NTM: variants seen among roughly 807,000 people sequenced by gnomAD.
The protein encoded by NTM is IgLON family member 2.
Under a neutral mutation model 42.1 loss-of-function variants are expected in NTM, and 13 were observed. The ratio of observed to expected loss-of-function variants is 0.31; its 90% confidence interval spans 0.20 to 0.49. The LOEUF (loss-of-function observed/expected upper bound fraction) is 0.49, where lower values mean the gene tolerates loss of function less well. NTM is among the 20% of genes least tolerant of loss of function. The probability of loss-of-function intolerance (pLI) is 0.99; values close to 1 mark genes in which losing one functional copy is unlikely to be tolerated. For synonymous variants in NTM, 187 were observed against 179.2 expected (o/e 1.04, Z -0.35); for missense variants, 373 against 452.8 (o/e 0.82, Z 1.60).
At position 131,789,955 on chromosome 11, in the gene NTM, C is replaced by CAAAAA. The variant is rs36050979; in HGVS notation, c.83-121587_83-121583dup. 2.5e-4 allele frequency among the ~76,000 whole-genome samples: 5 copies of CAAAAA among 20,312 alleles called. 2 individuals are homozygous for CAAAAA. Among genetic ancestry groups the CAAAAA allele is most frequent in the African/African-American group, 5.7e-4 (5 of 8,754 alleles). 13.3% of individuals were successfully genotyped at this position (20,312 alleles called of 152,430 possible). A position where few individuals can be genotyped will look rare whatever the true frequency, so the allele number is the denominator to read the frequency against. Reference sequence around the variant, plus strand: ...TGGGCGACAGAGCGAGACTCCGTCTCAAAAAAAAAAAAAAAAAAAAAAAAA... The same window carrying CAAAAA: ...TGGGCGACAGAGCGAGACTCCGTCTCAAAAAAAAAAAAAAAAAAAAAAAAAAAAAA... On this transcript the variant is annotated intron_variant, in intron 1 of 8. Transcript: ENST00000683400.
At chr11:132,248,459 A>T (rs1019629638) in intron 4 of NTM, among the ~76,000 whole-genome samples, 1 of 151,252 alleles carries the variant, frequency 6.6e-6, no homozygotes, top group Non-Finnish European at 1.5e-5. Context: ...ATGGCCTTTC[A>T]TCTGAGCACC....
intron 1 of NTM, among the ~76,000 whole-genome samples, chr11:131,409,623 G>T (rs561017103): frequency 6.6e-6 from 1 of 152,362 alleles, no homozygotes; most frequent in East Asian, 1.9e-4. Flanking sequence ...CTCTGAAGTG[G>T]TGCAGCGGCA....
chr11:131,372,616 A>G (rs1326221674), intron 1 of NTM, among the ~76,000 whole-genome samples: 3 of 152,018 alleles, frequency 2.0e-5, no homozygotes, highest in African/African-American at 7.2e-5. Flanking sequence ...GGTCAGAGGT[A>G]GGGAGAGGGA....
intron 1 of NTM, among the ~76,000 whole-genome samples, chr11:131,835,439 G>T (rs1253976563): frequency 1.3e-5 from 2 of 151,990 alleles, no homozygotes; most frequent in African/African-American, 4.8e-5. Flanking sequence ...AGAAATAGAA[G>T]AAAGATTTAA....
At chr11:132,126,047 C>G (rs1477809757) in intron 2 of NTM, among the ~76,000 whole-genome samples, 2 of 152,030 alleles carry the variant, frequency 1.3e-5, no homozygotes, top group Non-Finnish European at 2.9e-5. Flanking sequence ...CAGCTTGGGT[C>G]CCCAGGCGCC....
intron 1 of NTM, among the ~76,000 whole-genome samples, chr11:131,815,525 C>G (rs2092916769): frequency 6.6e-6 from 1 of 152,156 alleles, no homozygotes; most frequent in South Asian, 2.1e-4. Context: ...AAAGAATTTT[C>G]TTGAAGAATC....
At chr11:131,961,324 G>A (rs944472950) in intron 2 of NTM, among the ~76,000 whole-genome samples, 11 of 152,188 alleles carry the variant, frequency 7.2e-5, no homozygotes, top group African/African-American at 2.7e-4. Context: ...TAAGGTGTGT[G>A]GAGTGGGAGG....
At chr11:132,163,429 C>G (rs955264110) in intron 3 of NTM, among the ~76,000 whole-genome samples, 1 of 152,192 alleles carries the variant, frequency 6.6e-6, no homozygotes, top group Non-Finnish European at 1.5e-5. Flanking sequence ...TTATGTATAG[C>G]TTATTGAAAC....
intron 1 of NTM, among the ~76,000 whole-genome samples, chr11:131,543,904 G>T (rs1369879261): frequency 6.6e-6 from 1 of 152,210 alleles, no homozygotes; most frequent in Non-Finnish European, 1.5e-5. Flanking sequence ...AAACACCAAA[G>T]AGAGCTAATG....
intron 1 of NTM, among the ~76,000 whole-genome samples, chr11:131,671,873 T>C (rs748670952): frequency 3.3e-5 from 5 of 152,064 alleles, no homozygotes; most frequent in Non-Finnish European, 7.4e-5. Context: ...AAGTCAAGGT[T>C]TGGGGGCTCC....
chr11:131,578,802 G>C (rs1185718941), intron 1 of NTM, among the ~76,000 whole-genome samples: 1 of 152,122 alleles, frequency 6.6e-6, no homozygotes, highest in African/African-American at 2.4e-5. Flanking sequence ...TATTTTGACA[G>C]TTTTTCACTA....
chr11:132,047,479 T>C (rs569340056), intron 2 of NTM, among the ~76,000 whole-genome samples: 26 of 152,368 alleles, frequency 1.7e-4, no homozygotes, highest in Admixed American at 1.7e-3. Context: ...TGCTTCCAAT[T>C]CAAATGCCAG....
intron 1 of NTM, among the ~76,000 whole-genome samples, chr11:131,495,938 G>C (rs7102359): frequency 0.076 from 11,641 of 152,298 alleles, 504 homozygotes; most frequent in South Asian, 0.17. Context: ...TTATCAAAAG[G>C]ATGTTGAGGG....
At chr11:131,928,956 G>A (rs2058274387) in intron 2 of NTM, among the ~76,000 whole-genome samples, 1 of 152,094 alleles carries the variant, frequency 6.6e-6, no homozygotes, top group Non-Finnish European at 1.5e-5. Context: ...CAAACCTCTT[G>A]TTTTCTCATG....
At chr11:131,996,968 C>A (rs1438850164) in intron 2 of NTM, among the ~76,000 whole-genome samples, 1 of 152,200 alleles carries the variant, frequency 6.6e-6, no homozygotes, top group African/African-American at 2.4e-5. Flanking sequence ...TCCTACCTTT[C>A]TCTCCTTCCC....
chr11:131,973,027 C>T (rs2063781652), intron 2 of NTM, among the ~76,000 whole-genome samples: 1 of 152,188 alleles, frequency 6.6e-6, no homozygotes, highest in African/African-American at 2.4e-5. Flanking sequence ...TAACAGTTTA[C>T]TTAAGTAAAG....
At chr11:132,070,854 C>T (rs1468376150) in intron 2 of NTM, among the ~76,000 whole-genome samples, 1 of 138,404 alleles carries the variant, frequency 7.2e-6, no homozygotes, top group African/African-American at 2.7e-5. Context: ...TCACACTGAC[C>T]ATCACAGGTT....
At chr11:131,483,123 G>A (rs1489040340) in intron 1 of NTM, among the ~76,000 whole-genome samples, 1 of 152,174 alleles carries the variant, frequency 6.6e-6, no homozygotes, top group African/African-American at 2.4e-5. Context: ...TGGGGTTCTG[G>A]GATGACATGA....
intron 1 of NTM, among the ~76,000 whole-genome samples, chr11:131,489,467 C>G (rs953308475): frequency 6.6e-6 from 1 of 152,226 alleles, no homozygotes; most frequent in South Asian, 2.1e-4. Flanking sequence ...ACTAACCTCT[C>G]GCTACTTTGC....
Sources: allele counts gnomAD v4.1 joint callset (sites outside exome capture counted in the v4.1 genomes callset), GRCh38; gene constraint gnomAD v4.1.1; transcripts MANE v1.5; gene names NCBI Gene and HGNC (gene_info 2026-07-23, HGNC 2026-07-21).